Variants in ARHGAP15 observed in about 807,000 individuals in gnomAD.
ARHGAP15 encodes rho GTPase-activating protein 15.
Under a neutral mutation model 63.7 loss-of-function variants are expected in ARHGAP15, and 51 were observed. That is an observed-to-expected ratio of 0.80 (90% CI 0.64 to 1.01). ARHGAP15 has a LOEUF of 1.01. Ranked by LOEUF, ARHGAP15 falls within the 50% of genes least tolerant of loss-of-function variation. The probability of loss-of-function intolerance (pLI) is 0.00; values close to 1 mark genes in which losing one functional copy is unlikely to be tolerated. For missense variants in ARHGAP15, 560 were observed against 564.6 expected (o/e 0.99, Z 0.08); for synonymous variants, 191 against 193.8 (o/e 0.99, Z 0.12).
intron 6 of ARHGAP15, among the ~76,000 whole-genome samples, chr2:143,291,704 A>G (rs1165930085): frequency 6.6e-6 from 1 of 152,098 alleles, no homozygotes; most frequent in Non-Finnish European, 1.5e-5. Flanking sequence ...GCAAACGTTC[A>G]GTGAGTTACA....
rs181961029 is a variant in ARHGAP15 at position 143,173,272 on chromosome 2, A to G, written c.165+17617A>G. ...TGGATATAATTTATAATCATATACA[A>G]ATATGCACAGTTATACAAGTAGTAT... On this transcript the variant is annotated intron_variant, in intron 2 of 13. Coordinates refer to ENST00000295095, the MANE Select transcript of ARHGAP15 (RefSeq NM_018460.4). 4.6e-3 allele frequency among the ~76,000 whole-genome samples: 693 copies of G among 152,218 alleles called. 7 individuals are homozygous for G. The highest frequency in any genetic ancestry group is 5.7e-3 in the Non-Finnish European group (390 of 68,012).
chr2:143,673,748 GTGTGTGTGTGTATATATATATA>G lies in ARHGAP15; in HGVS notation c.1139-29669_1139-29648del, dbSNP rs1267959655. 2.3e-4 allele frequency among the ~76,000 whole-genome samples: 8 copies of G among 34,178 alleles called. 2 individuals carry two copies. The highest frequency in any genetic ancestry group is 6.3e-4 in the Non-Finnish European group (8 of 12,706). The allele number at this position is 34,178 out of a possible 152,430, so 22.4% of individuals were successfully genotyped here. On this transcript the variant is annotated intron_variant, in intron 12 of 13. Transcript: ENST00000295095. ...TGTGTGTGTGTGTGTGTGTGTGTGTGTGTGTGTGTGTATATATATATATATATATATATATAAACAACTCCTG... is the reference window on the plus strand; with the variant it reads ...TGTGTGTGTGTGTGTGTGTGTGTGTGTATATATATATATAAACAACTCCTG...
At chr2:143,427,520 A>G (rs978516925) in intron 6 of ARHGAP15, among the ~76,000 whole-genome samples, 1 of 151,732 alleles carries the variant, frequency 6.6e-6, no homozygotes, top group Non-Finnish European at 1.5e-5. Context: ...GTCAACTCCC[A>G]ATTACCAAAG....
At chr2:143,269,238 G>C (rs1681149500) in intron 6 of ARHGAP15, among the ~76,000 whole-genome samples, 1 of 152,102 alleles carries the variant, frequency 6.6e-6, no homozygotes, top group Non-Finnish European at 1.5e-5. Flanking sequence ...CTGGAGAGCG[G>C]TCAGAGATAA....
intron 3 of ARHGAP15, among the ~76,000 whole-genome samples, chr2:143,214,340 A>G (rs1558818411): frequency 6.6e-6 from 1 of 152,194 alleles, no homozygotes; most frequent in Non-Finnish European, 1.5e-5. Context: ...ATTCCTAAAG[A>G]AAGGAACCTC....
At chr2:143,651,198 G>T (rs1051554696) in intron 12 of ARHGAP15, among the ~76,000 whole-genome samples, 1 of 151,952 alleles carries the variant, frequency 6.6e-6, no homozygotes, top group African/African-American at 2.4e-5. Context: ...AGGTAAAATT[G>T]TTCTGTATTG....
chr2:143,484,984 A>G (rs1429598529), intron 8 of ARHGAP15, among the ~76,000 whole-genome samples: 4 of 152,168 alleles, frequency 2.6e-5, no homozygotes, highest in African/African-American at 9.7e-5. Context: ...TGCCACAAGG[A>G]CTCAGGCTGT....
In ARHGAP15 at chr2:143,703,427, GACA is replaced by G. The variant is rs747684184; in HGVS notation, c.1154_1156del (p.Asn385del). On this transcript the variant is annotated inframe_deletion, in exon 13 of 14. Transcript: ENST00000295095. ...TTTATTTTTTTTTCCAGAAAAGCAAGACAACAACACAAGAATTGAAGCTGTAAA... is the reference window on the plus strand; with the variant it reads ...TTTATTTTTTTTTCCAGAAAAGCAAGACAACACAAGAATTGAAGCTGTAAA... The G allele has an allele frequency of 3.1e-6, 5 of 1,603,636 alleles. No individual in the cohort carries two copies. The African/African-American group carries it at 6.7e-5, about 22-fold the overall frequency.
intron 6 of ARHGAP15, among the ~76,000 whole-genome samples, chr2:143,399,092 C>T (rs371308576): frequency 8.7e-4 from 133 of 152,098 alleles, no homozygotes; most frequent in African/African-American, 3.1e-3. Flanking sequence ...AAAAAAAATG[C>T]AAACCACTTA....
At chr2:143,436,889 A>G (rs1384094793) in intron 7 of ARHGAP15, 24 bp from the exon 8 acceptor site, 1 of 1,590,590 alleles carries the variant, frequency 6.3e-7, no homozygotes, top group South Asian at 1.2e-5. Flanking sequence ...AAAATTATTC[A>G]GTCTAATTAT....
At chr2:143,348,336 C>T (rs1336509786) in intron 6 of ARHGAP15, among the ~76,000 whole-genome samples, 2 of 152,074 alleles carry the variant, frequency 1.3e-5, no homozygotes, top group African/African-American at 4.8e-5. Context: ...CGCTATTTCT[C>T]TGAAATAATG....
At chr2:143,257,094 C>T (rs766538712) in intron 6 of ARHGAP15, among the ~76,000 whole-genome samples, 4 of 152,022 alleles carry the variant, frequency 2.6e-5, no homozygotes, top group Non-Finnish European at 5.9e-5. Flanking sequence ...CTAAGTGTAT[C>T]GTTAGGGAAA....
intron 11 of ARHGAP15, among the ~76,000 whole-genome samples, chr2:143,614,585 AAGG>A (rs1380411574): frequency 3.3e-5 from 5 of 152,198 alleles, no homozygotes; most frequent in African/African-American, 1.2e-4. Context: ...TCTGTTATCA[AAGG>A]AGGTTAAAAT....
Position 143,155,483 on chromosome 2 carries a change from A to G in ARHGAP15, c.-8A>G. The stretch of plus-strand genomic sequence containing the variant: ...ACATTTTATATTTTATCAGGATAGC[A>G]CTATAATATGCAGAAATCTACAAAT... On this transcript the variant is annotated 5_prime_UTR_variant, in exon 2 of 14. Coordinates refer to ENST00000295095, the MANE Select transcript of ARHGAP15 (RefSeq NM_018460.4). 7 of 1,600,918 alleles carry G rather than the reference A, an allele frequency of 4.4e-6. No individual in the cohort carries two copies. The highest frequency in any genetic ancestry group is 6.0e-6 in the Non-Finnish European group (7 of 1,175,202).
chr2:143,425,242 T>C (rs1689091449), intron 6 of ARHGAP15, among the ~76,000 whole-genome samples: 2 of 152,132 alleles, frequency 1.3e-5, no homozygotes, highest in Admixed American at 1.3e-4. Flanking sequence ...GGTGGCCTGT[T>C]GCTCAATTGA....
chr2:143,187,451 C>T (rs1295364127), intron 2 of ARHGAP15, among the ~76,000 whole-genome samples: 6 of 152,150 alleles, frequency 3.9e-5, no homozygotes, highest in East Asian at 1.9e-4. Context: ...GGGGTTCCTT[C>T]GATGATAATA....
chr2:143,314,683 C>A (rs1432223203), intron 6 of ARHGAP15: 2 of 152,248 alleles, frequency 1.3e-5, no homozygotes, highest in Non-Finnish European at 1.5e-5. Context: ...CATACATTTG[C>A]TACCTCTAAA....
At chr2:143,717,794 A>G (rs974904591) in intron 13 of ARHGAP15, among the ~76,000 whole-genome samples, 2 of 151,936 alleles carry the variant, frequency 1.3e-5, no homozygotes, top group African/African-American at 4.8e-5. Flanking sequence ...GCAGTTAGTC[A>G]AGGCTGTGCA....
rs1440872421 is a variant in ARHGAP15, at chr2:143,624,134, A to G, written c.1005A>G (p.Glu335=). Residue 335 remains glutamate, a splice_region_variant and synonymous_variant, in exon 12 of 14, where the codon GAA becomes GAG. Coordinates refer to ENST00000295095, the MANE Select transcript of ARHGAP15 (RefSeq NM_018460.4). ...CCATTTCTCCTCGTGTTTTCCCAGA[A>G]GAGAAGCTGAATTTGGACGACAGCC... ...IQKLRFIVNQ[E]EKLNLDDSQW... is the part of the protein sequence containing the mutation. 1.2e-6 allele frequency: 2 copies of G among 1,613,340 alleles called. No homozygotes were observed. The highest frequency in any genetic ancestry group is 1.7e-6 in the Non-Finnish European group (2 of 1,179,506).
Sources: allele counts gnomAD v4.1 joint callset (sites outside exome capture counted in the v4.1 genomes callset), GRCh38; gene constraint gnomAD v4.1.1; transcripts MANE v1.5; gene names NCBI Gene and HGNC (gene_info 2026-07-23, HGNC 2026-07-21).